Variants in DISP1 observed in about 807,000 individuals in gnomAD.
The protein encoded by DISP1 is protein dispatched homolog 1.
Under a neutral mutation model 37.3 loss-of-function variants are expected in DISP1, and 30 were observed. The ratio of observed to expected loss-of-function variants is 0.80; its 90% CI spans 0.60 to 1.09. The LOEUF is 1.09. DISP1 is among the 50% of genes least tolerant of loss of function. The pLI is 0.00. For missense variants in DISP1, 1,598 were observed against 1,879.5 expected (o/e 0.85, Z 2.77); for synonymous variants, 634 against 690.2 (o/e 0.92, Z 1.28).
chr1:222,969,930 T>C (rs1040388912), intron 3 of DISP1, among the ~76,000 whole-genome samples: 20 of 152,162 alleles, frequency 1.3e-4, no homozygotes, highest in African/African-American at 4.3e-4. Flanking sequence ...CCTCTTCCTT[T>C]AAAAATTAAA....
rs528360379 is a variant in DISP1, at chr1:222,978,859, T to C, written c.510-4221T>C. On this transcript the variant is annotated intron_variant, in intron 3 of 8. Coordinates refer to ENST00000675850, the MANE Select transcript of DISP1 (RefSeq NM_001377229.1). ...TATGTGGCATTATTTCTGAGGGCTG[T>C]GTTCTGTTCCATTGGTCTATCTCTC... Among the ~76,000 whole-genome samples, 5 of 152,342 alleles carry C rather than the reference T, an allele frequency of 3.3e-5. No homozygotes were observed. In the South Asian group the frequency reaches 1.0e-3, roughly 32 times the overall value.
At chr1:222,936,086 T>C (rs1024128071) in intron 2 of DISP1, among the ~76,000 whole-genome samples, 2 of 152,216 alleles carry the variant, frequency 1.3e-5, no homozygotes, top group African/African-American at 4.8e-5. Flanking sequence ...TTATTTTTTA[T>C]TATTCATGTT....
intron 2 of DISP1, among the ~76,000 whole-genome samples, chr1:222,930,039 T>A (rs1403544958): frequency 6.6e-6 from 1 of 152,162 alleles, no homozygotes; most frequent in African/African-American, 2.4e-5. Context: ...AATACATGTT[T>A]ACCTTAATTC....
In DISP1 at chr1:222,888,504, T is replaced by G. The variant is rs192831763; in HGVS notation, c.-158-39926T>G. 2.9e-3 allele frequency among the ~76,000 whole-genome samples: 448 copies of G among 152,246 alleles called. 3 individuals are homozygous for G. Among genetic ancestry groups the G allele is most frequent in the African/African-American group, 0.01 (435 of 41,542 alleles). The stretch of plus-strand genomic sequence containing the variant: ...AAAGTTTTACTTTAAGTAAATTTTT[T>G]TATGGAGCAAAGGAATGCCGAGGGT... On this transcript the variant is annotated intron_variant, in intron 1 of 8. Transcript: ENST00000675850.
chr1:222,912,576 T>A (rs563587073), intron 1 of DISP1, among the ~76,000 whole-genome samples: 4 of 152,224 alleles, frequency 2.6e-5, no homozygotes, highest in Non-Finnish European at 5.9e-5. Context: ...TCTTTTTACT[T>A]CTTTTTACTT....
chr1:222,858,420 G>A (rs1462399025), intron 1 of DISP1, among the ~76,000 whole-genome samples: 3 of 152,060 alleles, frequency 2.0e-5, no homozygotes, highest in Non-Finnish European at 2.9e-5. Context: ...ATAGGCACAG[G>A]CAAAGATCCC....
At chr1:222,958,788 G>T in intron 3 of DISP1, among the ~76,000 whole-genome samples, 1 of 152,046 alleles carries the variant, frequency 6.6e-6, no homozygotes, top group South Asian at 2.1e-4. Context: ...ATCCCATAAA[G>T]GTTTCAAAAT....
rs755475905 is a variant in DISP1, at chr1:222,893,611, T to C, written c.-158-34819T>C. The stretch of plus-strand genomic sequence containing the variant: ...ACTGACTCCATGGAAGGCTGCGGCT[T>C]GACCAGATGTACTGCATGCAGCTTC... On this transcript the variant is annotated intron_variant, in intron 1 of 8. Coordinates refer to ENST00000675850, the MANE Select transcript of DISP1 (RefSeq NM_001377229.1). This position sits in a 1 kb window ranked among gnomAD's most constrained non-coding sequence, Gnocchi z 4.3. Among the ~76,000 whole-genome samples, 9 of 152,218 alleles carry C rather than the reference T, an allele frequency of 5.9e-5. No individual in the cohort carries two copies. The highest frequency in any genetic ancestry group is 1.0e-4 in the Non-Finnish European group (7 of 68,032).
At chr1:222,879,310 T>G (rs996845403) in intron 1 of DISP1, among the ~76,000 whole-genome samples, 2 of 152,186 alleles carry the variant, frequency 1.3e-5, no homozygotes, top group Admixed American at 1.3e-4. Flanking sequence ...TCTTTAAAGC[T>G]AAACAATATG....
Position 223,005,247 on chromosome 1 carries a change from C to T in DISP1, c.3850C>T (p.Pro1284Ser). The T allele has an allele frequency of 6.2e-7, 1 of 1,614,028 alleles. No homozygotes were observed. The highest frequency in any genetic ancestry group is 8.5e-7 in the Non-Finnish European group (1 of 1,180,032). Reference sequence around the variant, plus strand: ...TGCCTACAAACACTTGAACTATGGCCCACACTCTTGCCAGCAGATGGGGGA... The same window carrying T: ...TGCCTACAAACACTTGAACTATGGCTCACACTCTTGCCAGCAGATGGGGGA... ...PDAYKHLNYGPHSCQQMGDCL... is the reference protein window; with the variant it reads ...PDAYKHLNYGSHSCQQMGDCL... The change falls in exon 9 of 9, where the codon CCA becomes TCA. Residue 1284 changes from proline (P) to serine (S), a missense_variant. Pro to Ser is a moderately conservative substitution (Grantham distance 74). Transcript: ENST00000675850.
At chr1:222,912,504 C>T (rs1173729549) in intron 1 of DISP1, among the ~76,000 whole-genome samples, 1 of 152,116 alleles carries the variant, frequency 6.6e-6, no homozygotes, top group East Asian at 1.9e-4. Flanking sequence ...CATTTATCAC[C>T]TTGTTACTGC....
At chr1:222,861,258 G>A (rs1402078760) in intron 1 of DISP1, among the ~76,000 whole-genome samples, 4 of 152,112 alleles carry the variant, frequency 2.6e-5, no homozygotes, top group Non-Finnish European at 1.5e-5. Flanking sequence ...TTAACTCTGA[G>A]TTTCTTTCTG....
intron 1 of DISP1, among the ~76,000 whole-genome samples, chr1:222,895,913 A>AT (rs1157006543): frequency 6.6e-6 from 1 of 152,224 alleles, no homozygotes; most frequent in Non-Finnish European, 1.5e-5. Flanking sequence ...ATTTCTCAAG[A>AT]TTTTTTAAAA....
rs199856419 is a variant in DISP1 at position 223,004,805 on chromosome 1, A to G, written c.3408A>G (p.Pro1136=). ...AGTGCATGTGCCGGTGCCTTGGACC[A>G]CAGGGTACCTGTGGTCAGATTCCTT... is the stretch of plus-strand genomic sequence containing the variant. ...FFQCMCRCLG[P]QGTCGQIPLP... The change falls in exon 9 of 9, where the codon CCA becomes CCG. Residue 1136 remains proline, a synonymous_variant. Coordinates refer to ENST00000675850, the MANE Select transcript of DISP1 (RefSeq NM_001377229.1). This position sits in a 1 kb window ranked among gnomAD's most constrained non-coding sequence, Gnocchi z 4.9. 1.1e-5 allele frequency: 17 copies of G among 1,612,198 alleles called. No individual in the cohort carries two copies. The East Asian group carries it at 1.6e-4, about 15-fold the overall frequency.
At chr1:222,969,465 G>A (rs1408406929) in intron 3 of DISP1, among the ~76,000 whole-genome samples, 1 of 150,684 alleles carries the variant, frequency 6.6e-6, no homozygotes, top group Non-Finnish European at 1.5e-5. Context: ...CCACAAACTA[G>A]GAAAACTATT....
At chr1:222,910,352 G>A (rs1209502252) in intron 1 of DISP1, among the ~76,000 whole-genome samples, 1 of 152,092 alleles carries the variant, frequency 6.6e-6, no homozygotes, top group Non-Finnish European at 1.5e-5. Flanking sequence ...GTCGGAGTAA[G>A]ACCCTGTCTC....
intron 3 of DISP1, among the ~76,000 whole-genome samples, chr1:222,980,951 G>A (rs1028211139): frequency 3.3e-5 from 5 of 152,140 alleles, no homozygotes; most frequent in Admixed American, 6.5e-5. Flanking sequence ...GGTGGCATGC[G>A]CCTGTAGTCC....
Position 222,893,906 on chromosome 1 carries a change from A to T in DISP1, c.-158-34524A>T, listed in dbSNP as rs1473956196. Among the ~76,000 whole-genome samples, 1 of 152,162 alleles carries T rather than the reference A, an allele frequency of 6.6e-6. No individual in the cohort carries two copies. The highest frequency in any genetic ancestry group is 2.4e-5 in the African/African-American group (1 of 41,426). On this transcript the variant is annotated intron_variant, in intron 1 of 8. Coordinates refer to ENST00000675850, the MANE Select transcript of DISP1 (RefSeq NM_001377229.1). This position sits in a 1 kb window ranked among gnomAD's most constrained non-coding sequence, Gnocchi z 4.3. ...TGTCCAGGAATAATGAGGTACATGG[A>T]CAACTGGAGTGTGAGCAAGGTGGAG...
At chr1:222,973,477 C>T (rs1234881020) in intron 3 of DISP1, among the ~76,000 whole-genome samples, 1 of 152,058 alleles carries the variant, frequency 6.6e-6, no homozygotes, top group East Asian at 1.9e-4. Context: ...CTTTCCATAT[C>T]AGTGTATGTG....
Sources: gnomAD v4.1 joint callset for allele counts (sites outside exome capture counted in the v4.1 genomes callset) on GRCh38, gnomAD v4.1.1 for gene constraint, Gnocchi (gnomAD v3.1) non-coding constraint, MANE v1.5 for transcripts, NCBI Gene and HGNC (gene_info 2026-07-23, HGNC 2026-07-21) for gene names.